SYTL5: variants seen among roughly 807,000 people sequenced by gnomAD.
SYTL5 encodes the protein synaptotagmin like 5.
In SYTL5, 34 loss-of-function variants were observed where a neutral mutation model predicts 55.9. The observed-to-expected ratio is 0.61, with a 90% CI of 0.46 to 0.81. SYTL5 has a LOEUF of 0.81. SYTL5 is among the 30% of genes least tolerant of loss of function. The pLI is 0.00. For missense variants in SYTL5, 637 were observed against 546.7 expected (o/e 1.17, Z -1.65); for synonymous variants, 221 against 188.7 (o/e 1.17, Z -1.40).
At chrX:37,945,032 T>A in the SYTL5 span, among the ~76,000 whole-genome samples, 1 of 113,042 alleles carries the variant, frequency 8.8e-6, no homozygotes, top group Non-Finnish European at 1.9e-5. Context: ...TACTCTTAAC[T>A]TTACATATAT....
At chrX:38,056,030 C>A (rs901639367) in intron 3 of SYTL5, among the ~76,000 whole-genome samples, 1 of 111,488 alleles carries the variant, frequency 9.0e-6, no homozygotes, top group Non-Finnish European at 1.9e-5. Context: ...TATAGTCACC[C>A]AGTTATGCTA....
the SYTL5 span, among the ~76,000 whole-genome samples, chrX:37,899,145 C>T: frequency 9.0e-6 from 1 of 111,642 alleles, no homozygotes; most frequent in Non-Finnish European, 1.9e-5. Flanking sequence ...TTCAATTATT[C>T]CCAGTAATAA....
chrX:38,096,048 T>A (rs1936928597), intron 8 of SYTL5, 86 bp from the exon 9 acceptor site: 7 of 476,904 alleles, frequency 1.5e-5, no homozygotes, highest in South Asian at 4.1e-5. Flanking sequence ...AGAATTGAAA[T>A]AAAGGTGAAA....
chrX:37,940,713 TAATA>T, the SYTL5 span, among the ~76,000 whole-genome samples: 1 of 109,544 alleles, frequency 9.1e-6, no homozygotes, highest in Non-Finnish European at 1.9e-5. Context: ...TGGAAGTCAG[TAATA>T]AATAAATATG....
chrX:38,051,393 G>C (rs772136990), intron 2 of SYTL5, among the ~76,000 whole-genome samples: 44 of 112,004 alleles, frequency 3.9e-4, no homozygotes, highest in Non-Finnish European at 6.6e-4. Flanking sequence ...GAAGGGAATT[G>C]AAAGTAGGGA....
the SYTL5 span, among the ~76,000 whole-genome samples, chrX:37,929,373 A>G: frequency 1.8e-5 from 2 of 111,891 alleles, no homozygotes; most frequent in African/African-American, 3.3e-5. Flanking sequence ...GGGAATGAAT[A>G]AGACCTGTGG....
chrX:37,985,016 C>A, the SYTL5 span, among the ~76,000 whole-genome samples: 1 of 112,055 alleles, frequency 8.9e-6, no homozygotes. Context: ...CTACAGCCAA[C>A]ATCATACTTA....
chrX:38,082,996 T>C (rs1387441727), intron 6 of SYTL5, among the ~76,000 whole-genome samples: 1 of 111,833 alleles, frequency 8.9e-6, no homozygotes, highest in Non-Finnish European at 1.9e-5. Context: ...GAACAAGAGG[T>C]TGGCAATTCT....
intron 4 of SYTL5, 118 bp downstream of exon 4, chrX:38,072,280 A>C: frequency 2.1e-6 from 1 of 476,886 alleles, no homozygotes; most frequent in Non-Finnish European, 3.5e-6. Context: ...CCCTTAGGGC[A>C]TTTCACAACT....
At chrX:38,107,567 G>A (rs1353647634) in intron 11 of SYTL5, among the ~76,000 whole-genome samples, 1 of 111,787 alleles carries the variant, frequency 8.9e-6, no homozygotes, top group African/African-American at 3.3e-5. Context: ...GGAACAACGA[G>A]CCACTTTTAT....
At chrX:38,100,663 T>A (rs1937059988) in intron 9 of SYTL5, among the ~76,000 whole-genome samples, 1 of 111,099 alleles carries the variant, frequency 9.0e-6, no homozygotes, top group African/African-American at 3.3e-5. Flanking sequence ...GGCAAGGAAG[T>A]GGAGCAAAGG....
chrX:38,035,754 G>A (rs1258952047), intron 2 of SYTL5, among the ~76,000 whole-genome samples: 1 of 108,078 alleles, frequency 9.3e-6, no homozygotes, highest in East Asian at 2.9e-4. Flanking sequence ...AATTAGCAGG[G>A]CGTGGTGGTG....
At chrX:37,898,385 T>C in the SYTL5 span, among the ~76,000 whole-genome samples, 16 of 112,147 alleles carry the variant, frequency 1.4e-4, no homozygotes, top group East Asian at 4.5e-3. Context: ...ATTCATACTT[T>C]GTTCTAGTTG....
chrX:37,954,802 G>A, the SYTL5 span, among the ~76,000 whole-genome samples: 1 of 111,395 alleles, frequency 9.0e-6, no homozygotes, highest in Non-Finnish European at 1.9e-5. Context: ...TGGACATATA[G>A]CAACATCGTG....
chrX:38,057,075 A>AT (rs1935809257), intron 3 of SYTL5, among the ~76,000 whole-genome samples: 1 of 111,199 alleles, frequency 9.0e-6, no homozygotes, highest in South Asian at 3.8e-4. Flanking sequence ...TGTCCTAGAG[A>AT]TTTTTCTGCG....
At chrX:38,028,284 A>G (rs181754889) in intron 1 of SYTL5, among the ~76,000 whole-genome samples, 1 of 112,574 alleles carries the variant, frequency 8.9e-6, no homozygotes, top group Admixed American at 9.4e-5. Context: ...CTACAAATCA[A>G]GTTTGATTCC....
rs763229607 is a variant in SYTL5, at chrX:38,094,265, A to AT, written c.832-23dup. On this transcript the variant is annotated intron_variant, in intron 7 of 16. Transcript: ENST00000297875. ...TTTATAGTAAATTACAGTCAGTATA[A>AT]TTTTTTTCTCATTTTTACTTTGTGG... The AT allele has an allele frequency of 5.3e-4, 622 of 1,167,995 alleles. 2 individuals are homozygous for AT. The East Asian group carries it at 0.017, about 33-fold the overall frequency.
At chrX:38,030,385 C>T (rs1488989717) in intron 1 of SYTL5, among the ~76,000 whole-genome samples, 2 of 112,007 alleles carry the variant, frequency 1.8e-5, no homozygotes, top group Non-Finnish European at 3.8e-5. Context: ...TTTCCCAGAA[C>T]CCAGTCTGTG....
chrX:37,927,608 T>C, the SYTL5 span, among the ~76,000 whole-genome samples: 1 of 109,319 alleles, frequency 9.1e-6, no homozygotes, highest in Non-Finnish European at 1.9e-5. Flanking sequence ...GCCTCGTCTC[T>C]ACTGAAAATA....
Sources: allele counts gnomAD v4.1 joint callset (sites outside exome capture counted in the v4.1 genomes callset), GRCh38; gene constraint gnomAD v4.1.1; transcripts MANE v1.5; gene names NCBI Gene and HGNC (gene_info 2026-07-23, HGNC 2026-07-21).